FGD3: variants seen among roughly 807,000 people sequenced by gnomAD.
The protein encoded by FGD3 is FYVE, RhoGEF and PH domain containing 3.
A neutral mutation model predicts 71.8 loss-of-function variants in FGD3; 45 were observed. The observed-to-expected ratio is 0.63, with a 90% CI of 0.49 to 0.80. The LOEUF (loss-of-function observed/expected upper bound fraction) is 0.80. Among genes scored for constraint, FGD3 ranks in the 30% least tolerant of loss-of-function variants. The probability of loss-of-function intolerance (pLI) is 0.00; values close to 1 mark genes in which losing one functional copy is unlikely to be tolerated. For missense variants in FGD3, 844 were observed against 951.5 expected, an observed-to-expected ratio of 0.89 and a Z score of 1.49; for synonymous variants, 378 against 392.8, an observed-to-expected ratio of 0.96 and a Z score of 0.44.
intron 1 of FGD3, among the ~76,000 whole-genome samples, chr9:92,962,097 G>A (rs748137116): frequency 3.3e-5 from 5 of 152,166 alleles, no homozygotes; most frequent in Admixed American, 6.5e-5. Flanking sequence ...CTCCCAGGTG[G>A]AGGCACCACT....
At position 93,013,929 on chromosome 9, in the gene FGD3, G is replaced by C; in HGVS notation, c.1113G>C (p.Leu371=). ...ACATTGTCAACCCGGCCAATGAACT[G>C]ATCAAGGAGGGCCAAATCCAGAAAC... ...EEDIVNPANE[L]IKEGQIQKLS... Residue 371 remains leucine (L), a synonymous_variant, in exon 9 of 18, where the codon CTG becomes CTC. Coordinates refer to ENST00000375482, the MANE Select transcript of FGD3 (RefSeq NM_001083536.2). The C allele has an allele frequency of 1.2e-6, 2 of 1,612,610 alleles. No individual in the cohort carries two copies. Among genetic ancestry groups the C allele is most frequent in the Non-Finnish European group, 1.7e-6 (2 of 1,179,488 alleles).
chr9:92,976,155 G>T, intron 2 of FGD3, 53 bp from the exon 3 acceptor site: 1 of 1,122,342 alleles, frequency 8.9e-7, no homozygotes, highest in Non-Finnish European at 1.2e-6. Context: ...TGCACCTGAG[G>T]GTGCTGGTCC....
intron 11 of FGD3, 37 bp from the exon 12 acceptor site, chr9:93,019,794 A>G: frequency 1.2e-6 from 2 of 1,608,360 alleles, no homozygotes; most frequent in Non-Finnish European, 1.7e-6. Flanking sequence ...GTCAGTATCC[A>G]AGACTGGATT....
chr9:93,010,879 C>T (rs1293239396), intron 7 of FGD3, among the ~76,000 whole-genome samples: 2 of 152,126 alleles, frequency 1.3e-5, no homozygotes, highest in African/African-American at 4.8e-5. Flanking sequence ...CTGTTCAGAG[C>T]TTAGGCCCCA....
chr9:93,030,335 A>G (rs1212642291), intron 15 of FGD3, among the ~76,000 whole-genome samples: 1 of 152,142 alleles, frequency 6.6e-6, no homozygotes, highest in African/African-American at 2.4e-5. Context: ...GAGACGGGTG[A>G]AGGGTGTGGC....
chr9:92,968,011 A>T (rs1293934747), intron 1 of FGD3, among the ~76,000 whole-genome samples: 2 of 152,192 alleles, frequency 1.3e-5, no homozygotes, highest in Admixed American at 6.5e-5. Flanking sequence ...GTGGGTGTAC[A>T]AGTACCTGTT....
At chr9:93,017,517 G>T (rs1861747170) in intron 10 of FGD3, among the ~76,000 whole-genome samples, 1 of 151,836 alleles carries the variant, frequency 6.6e-6, no homozygotes, top group African/African-American at 2.4e-5. Context: ...ATGAGACATG[G>T]AACAGGCGTG....
intron 13 of FGD3, 116 bp downstream of exon 13, chr9:93,020,540 C>G: frequency 1.3e-6 from 1 of 777,464 alleles, no homozygotes; most frequent in Non-Finnish European, 2.2e-6. Flanking sequence ...TCCTGCTACA[C>G]CAGGGACCAG....
rs542994779 is a variant in FGD3 at position 92,966,041 on chromosome 9, A to G, written c.-217-9197A>G. ...TGCCTGCCTGTCCCTAGGCGGGACG[A>G]CCGTCAGCTGTCGGGGCTGAGCCGG... On this transcript the variant is annotated intron_variant, in intron 1 of 17. Transcript: ENST00000375482. Among the ~76,000 whole-genome samples, 3 of 152,306 alleles carry G rather than the reference A, an allele frequency of 2.0e-5. No individual in the cohort carries two copies. The South Asian group carries it at 6.2e-4, about 32-fold the overall frequency.
At chr9:92,987,453 AG>A (rs1268838927) in intron 3 of FGD3, among the ~76,000 whole-genome samples, 2 of 151,458 alleles carry the variant, frequency 1.3e-5, no homozygotes, top group East Asian at 1.9e-4. Flanking sequence ...AAAGAAAGAA[AG>A]AAAAAAAAGA....
At chr9:92,999,122 C>T (rs1192835349) in intron 3 of FGD3, among the ~76,000 whole-genome samples, 3 of 152,192 alleles carry the variant, frequency 2.0e-5, no homozygotes, top group Non-Finnish European at 4.4e-5. Context: ...GGGCTCCACT[C>T]AGTTCGAGTT....
intron 3 of FGD3, among the ~76,000 whole-genome samples, chr9:92,981,690 C>T (rs1210511802): frequency 6.6e-6 from 1 of 151,854 alleles, no homozygotes; most frequent in Non-Finnish European, 1.5e-5. Context: ...TCAATTTTGC[C>T]AAAGTTTCCT....
rs1304169117 is a variant in FGD3, at chr9:93,029,963, C to G, written c.1647C>G (p.Thr549=). The change falls in exon 15 of 18, where the codon ACC becomes ACG. Residue 549 remains threonine (T), a synonymous_variant. Transcript: ENST00000375482. Reference sequence around the variant, plus strand: ...GTGGTGAGACCTTCAACTCCATCACCAAGAGGAGGCATCACTGCAAGCTGT... The same window carrying G: ...GTGGTGAGACCTTCAACTCCATCACGAAGAGGAGGCATCACTGCAAGCTGT... ...KSCGETFNSI[T]KRRHHCKLCG... The G allele has an allele frequency of 1.2e-6, 2 of 1,613,136 alleles. No individual in the cohort carries two copies. The highest frequency in any genetic ancestry group is 1.7e-5 in the Admixed American group (1 of 59,970).
At chr9:92,967,088 A>T (rs1232353008) in intron 1 of FGD3, among the ~76,000 whole-genome samples, 1 of 151,816 alleles carries the variant, frequency 6.6e-6, no homozygotes, top group Non-Finnish European at 1.5e-5. Flanking sequence ...CAGCCTCCCA[A>T]GTAGCTGGGA....
At chr9:93,007,240 G>C (rs936918592) in intron 6 of FGD3, among the ~76,000 whole-genome samples, 1 of 150,486 alleles carries the variant, frequency 6.6e-6, no homozygotes, top group Admixed American at 6.6e-5. Flanking sequence ...ACAGGCGCCC[G>C]CCACCACGCC....
At position 93,004,093 on chromosome 9, in the gene FGD3, G is replaced by T; in HGVS notation, c.636G>T (p.Gly212=). The T allele has an allele frequency of 6.2e-7, 1 of 1,614,126 alleles. No individual in the cohort carries two copies. Among genetic ancestry groups the T allele is most frequent in the Non-Finnish European group, 8.5e-7 (1 of 1,180,034 alleles). ...SNISSIHRFH[G]QFLLPELKTR... is the part of the protein sequence containing the mutation. Reference sequence around the variant, plus strand: ...TCTCCTCCATCCACCGCTTCCACGGGCAGTTCCTGCTGCCGGAGCTGAAGA... The same window carrying T: ...TCTCCTCCATCCACCGCTTCCACGGTCAGTTCCTGCTGCCGGAGCTGAAGA... Residue 212 remains glycine (G), a synonymous_variant, in exon 5 of 18, where the codon GGG becomes GGT. Coordinates refer to ENST00000375482, the MANE Select transcript of FGD3 (RefSeq NM_001083536.2).
At chr9:92,950,803 G>A (rs72741039) in intron 1 of FGD3, among the ~76,000 whole-genome samples, 7,125 of 152,314 alleles carry the variant, frequency 0.047, 196 homozygotes, top group Middle Eastern at 0.071. Context: ...CCACCCAGGA[G>A]GAATCTGTGG....
rs538619457 is a variant in FGD3, at chr9:93,011,878, G to A, written c.1035+606G>A. 8.4e-5 allele frequency among the ~76,000 whole-genome samples: 12 copies of A among 142,288 alleles called. No individual in the cohort carries two copies. In the South Asian group the frequency reaches 2.7e-3, roughly 32 times the overall value. 93.3% of individuals were successfully genotyped at this position (142,288 alleles called of 152,430 possible). Reference sequence around the variant, plus strand: ...CTCAAAAAAAAAAGAATCACTCTAGGCCAGGCGCGGTGGCTCACGCCTGTA... The same window carrying A: ...CTCAAAAAAAAAAGAATCACTCTAGACCAGGCGCGGTGGCTCACGCCTGTA... On this transcript the variant is annotated intron_variant, in intron 8 of 17. Transcript: ENST00000375482.
chr9:93,035,562 GGTCCCTAT>G lies in FGD3; in HGVS notation c.2153_2160del (p.Val718GlyfsTer8). 1 of 1,599,340 alleles carries G rather than the reference GGTCCCTAT, an allele frequency of 6.3e-7. No individual in the cohort carries two copies. The highest frequency in any genetic ancestry group is 8.5e-7 in the Non-Finnish European group (1 of 1,175,526). ...ACAGCCCGGGGGCCCTGCAGCTTCAGGTCCCTATGGGCGCAGCTGCTCCGTGAGCTGAG... is the reference window on the plus strand; with the variant it reads ...ACAGCCCGGGGGCCCTGCAGCTTCAGGGGCGCAGCTGCTCCGTGAGCTGAG... On this transcript the variant is annotated frameshift_variant, in exon 18 of 18. Transcript: ENST00000375482. LOFTEE classifies it low-confidence loss of function (END_TRUNC).
Sources: allele counts gnomAD v4.1 joint callset (sites outside exome capture counted in the v4.1 genomes callset), GRCh38; gene constraint gnomAD v4.1.1; transcripts MANE v1.5; gene names NCBI Gene and HGNC (gene_info 2026-07-23, HGNC 2026-07-21).